Variants in SLC3A2 observed in about 807,000 individuals in gnomAD.
SLC3A2 encodes the protein amino acid transporter heavy chain SLC3A2.
SLC3A2 carries 32 observed loss-of-function variants against 48.5 expected under a neutral mutation model. The ratio of observed to expected loss-of-function variants is 0.66; its 90% CI spans 0.50 to 0.89. The LOEUF is 0.89. Among genes scored for constraint, SLC3A2 ranks in the 40% least tolerant of loss-of-function variants. The probability of loss-of-function intolerance (pLI) is 0.00; values close to 1 mark genes in which losing one functional copy is unlikely to be tolerated. For synonymous variants in SLC3A2, 277 were observed against 288.8 expected (o/e 0.96, Z 0.41); for missense variants, 587 against 680.7 (o/e 0.86, Z 1.53).
chr11:62,877,599 T>C (rs980782688), upstream of SLC3A2, among the ~76,000 whole-genome samples: 6 of 152,116 alleles, frequency 3.9e-5, no homozygotes, highest in African/African-American at 1.4e-4. Flanking sequence ...GGAAAGTAAT[T>C]TTGTCTGGGG....
At chr11:62,888,050 A>T in intron 7 of SLC3A2, 85 bp from the exon 8 acceptor site, 1 of 1,226,270 alleles carries the variant, frequency 8.2e-7, no homozygotes. Flanking sequence ...CTTGGCCTTG[A>T]CCTCCCAGAC....
intron 1 of SLC3A2, among the ~76,000 whole-genome samples, chr11:62,869,185 C>G (rs546844472): frequency 6.6e-6 from 1 of 152,054 alleles, no homozygotes; most frequent in Admixed American, 6.6e-5. Flanking sequence ...AGGTGTGAGA[C>G]ACCACGCCTG....
chr11:62,871,430 G>T lies in SLC3A2; in HGVS notation c.113-9589G>T, dbSNP rs183068788. The T allele has an allele frequency of 7.4e-5, 24 of 323,554 alleles. No individual in the cohort carries two copies. In the East Asian group the frequency reaches 8.2e-4, roughly 11 times the overall value. The allele number at this position is 323,554 out of a possible 1,614,324, so 20.0% of individuals were successfully genotyped here. ...ATTTTTTGTATTTTTAGTAGAGACGGAGTTTTGCCTCATTGGCCAGCCTGG... is the reference window on the plus strand; with the variant it reads ...ATTTTTTGTATTTTTAGTAGAGACGTAGTTTTGCCTCATTGGCCAGCCTGG... On this transcript the variant is annotated intron_variant, in intron 1 of 9. Coordinates refer to the SLC3A2 transcript ENST00000377889.
intron 3 of SLC3A2, chr11:62,883,289 G>A (rs1037430841): frequency 5.1e-5 from 19 of 370,112 alleles, no homozygotes; most frequent in African/African-American, 1.0e-4. Flanking sequence ...TCTTTCTTTT[G>A]GGAGAGGAAG....
chr11:62,865,560 A>C (rs12098955), intron 1 of SLC3A2, among the ~76,000 whole-genome samples: 8 of 104,564 alleles, frequency 7.7e-5, no homozygotes, highest in African/African-American at 2.3e-4. Context: ...TGTCTCCCCC[A>C]CAAAAAAAAA....
chr11:62,856,589 C>T (rs2085326993), intron 1 of SLC3A2, among the ~76,000 whole-genome samples: 1 of 152,180 alleles, frequency 6.6e-6, no homozygotes, highest in African/African-American at 2.4e-5. Flanking sequence ...CCGTTTTAAG[C>T]ACACTATATG....
intron 1 of SLC3A2, among the ~76,000 whole-genome samples, chr11:62,868,863 G>A (rs1476455053): frequency 6.6e-6 from 1 of 152,006 alleles, no homozygotes. Context: ...ATGAGGTTTT[G>A]TAATCTTTAC....
Position 62,888,420 on chromosome 11 carries a change from C to A in SLC3A2, c.1317C>A (p.Asp439Glu). Residue 439 changes from aspartate (D) to glutamate (E), a missense_variant, in exon 9 of 9, where the codon GAC (aspartate) becomes GAA (glutamate). By Grantham distance (45) the Asp-to-Glu change is conservative. Around this residue, in one of 3 missense-constraint regions of SLC3A2, gnomAD observed 169 missense variants for 204.4 expected, o/e 0.83. Coordinates refer to ENST00000338663, the MANE Select transcript of SLC3A2 (RefSeq NM_001013251.3). ...AGGAGCGCTCCCTACTGCATGGGGA[C>A]TTCCACGCGTTCTCCGCTGGGCCTG... ...RSKERSLLHGDFHAFSAGPGL... is the reference protein window; with the variant it reads ...RSKERSLLHGEFHAFSAGPGL... 1 of 1,614,236 alleles carries A rather than the reference C, an allele frequency of 6.2e-7. No homozygotes were observed. Among genetic ancestry groups the A allele is most frequent in the Non-Finnish European group, 8.5e-7 (1 of 1,180,038 alleles).
chr11:62,863,612 T>C (rs2085423823), intron 1 of SLC3A2, among the ~76,000 whole-genome samples: 1 of 152,252 alleles, frequency 6.6e-6, no homozygotes, highest in Non-Finnish European at 1.5e-5. Context: ...CTGGGCTACC[T>C]GCTCATGCAA....
chr11:62,857,013 G>A (rs1413381365), intron 1 of SLC3A2, among the ~76,000 whole-genome samples: 1 of 151,954 alleles, frequency 6.6e-6, no homozygotes, highest in Non-Finnish European at 1.5e-5. Context: ...AGTAGAGACA[G>A]GGTTTCTCCA....
At position 62,882,049 on chromosome 11, in the gene SLC3A2, A is replaced by G. The variant is rs752547667; in HGVS notation, c.581A>G (p.Gln194Arg). 1 of 1,614,212 alleles carries G rather than the reference A, an allele frequency of 6.2e-7. No homozygotes were observed. Among genetic ancestry groups the G allele is most frequent in the South Asian group, 1.1e-5 (1 of 91,088 alleles). The change falls in exon 2 of 9, where the codon CAA (glutamine) becomes CGA (arginine). Residue 194 changes from glutamine to arginine, a missense_variant. Physicochemically the swap from Gln to Arg is conservative, Grantham distance 43 (BLOSUM62 1). This residue lies in a region of SLC3A2 where 409 missense variants were observed against 446.7 expected (regional missense o/e 0.92). Coordinates refer to ENST00000338663, the MANE Select transcript of SLC3A2 (RefSeq NM_001013251.3). ...AAGGAAGATTTTGACAGTCTCTTGC[A>G]ATCGGCTAAAAAAAAGAGTGGGTAT... is the stretch of plus-strand genomic sequence containing the variant. ...GSKEDFDSLL[Q>R]SAKKKSIRVI...
intron 1 of SLC3A2, among the ~76,000 whole-genome samples, chr11:62,860,627 C>G (rs1590615090): frequency 6.6e-6 from 1 of 152,248 alleles, no homozygotes; most frequent in Middle Eastern, 3.4e-3. Context: ...GCAAAGAGGC[C>G]TTCCTCTTTC....
At chr11:62,868,366 T>C (rs889111873) in intron 1 of SLC3A2, among the ~76,000 whole-genome samples, 2 of 137,650 alleles carry the variant, frequency 1.5e-5, no homozygotes, top group African/African-American at 5.4e-5. Flanking sequence ...ATTTTCATTC[T>C]TTTTTTTTTT....
chr11:62,861,986 CTT>C (rs1296965197), intron 1 of SLC3A2, among the ~76,000 whole-genome samples: 2 of 148,016 alleles, frequency 1.4e-5, no homozygotes, highest in African/African-American at 5.0e-5. Context: ...TCTCCATTGT[CTT>C]TAAGCTATAG....
chr11:62,885,140 C>T, intron 5 of SLC3A2, 37 bp from the exon 6 acceptor site: 1 of 1,608,050 alleles, frequency 6.2e-7, no homozygotes, highest in Non-Finnish European at 8.5e-7. Context: ...CCCATTCTTT[C>T]TTGTGCTAAC....
chr11:62,887,294 C>CAGAT (rs2085727100), intron 7 of SLC3A2, among the ~76,000 whole-genome samples: 1 of 152,034 alleles, frequency 6.6e-6, no homozygotes, highest in African/African-American at 2.4e-5. Context: ...GATAACCAAG[C>CAGAT]AGATACCTGA....
At chr11:62,865,435 C>T (rs1262270860) in intron 1 of SLC3A2, among the ~76,000 whole-genome samples, 2 of 151,938 alleles carry the variant, frequency 1.3e-5, no homozygotes, top group Admixed American at 1.3e-4. Flanking sequence ...TGCCCGTAAT[C>T]CCAGCTACTA....
At chr11:62,857,492 C>T (rs1321208614) in intron 1 of SLC3A2, among the ~76,000 whole-genome samples, 4 of 151,812 alleles carry the variant, frequency 2.6e-5, no homozygotes, top group Non-Finnish European at 5.9e-5. Flanking sequence ...CCAGTCTAAG[C>T]AACATAGTGA....
At chr11:62,862,133 A>G (rs2085405797) in intron 1 of SLC3A2, among the ~76,000 whole-genome samples, 1 of 151,562 alleles carries the variant, frequency 6.6e-6, no homozygotes, top group African/African-American at 2.4e-5. Context: ...CCTGGGCAAC[A>G]TGGTGAAATC....
Sources: allele counts gnomAD v4.1 joint callset (sites outside exome capture counted in the v4.1 genomes callset), GRCh38; gene constraint gnomAD v4.1.1; regional missense constraint gnomAD v4.1.1; transcripts MANE v1.5; gene names NCBI Gene and HGNC (gene_info 2026-07-23, HGNC 2026-07-21).